ASAP2: variants seen among roughly 807,000 people sequenced by gnomAD.
The protein encoded by ASAP2 is ArfGAP with SH3 domain, ankyrin repeat and PH domain 2.
Under a neutral mutation model 131.4 loss-of-function variants are expected in ASAP2, and 45 were observed. The observed-to-expected ratio is 0.34, with a 90% CI of 0.27 to 0.44. The LOEUF (loss-of-function observed/expected upper bound fraction) is 0.44. ASAP2 is among the 20% of genes least tolerant of loss of function. ASAP2 has a pLI of 1.00. For synonymous variants in ASAP2, 510 were observed against 503.0 expected, an observed-to-expected ratio of 1.01 and a Z score of -0.19; for missense variants, 1,011 against 1,297.0, an observed-to-expected ratio of 0.78 and a Z score of 3.39.
intron 6 of ASAP2, among the ~76,000 whole-genome samples, chr2:9,325,887 T>C (rs1314813545): frequency 6.6e-6 from 1 of 152,202 alleles, no homozygotes; most frequent in Non-Finnish European, 1.5e-5. Flanking sequence ...CTGTACTATA[T>C]GCATGCATAA....
At chr2:9,360,596 T>A (rs1408856799) in intron 15 of ASAP2, among the ~76,000 whole-genome samples, 1 of 152,206 alleles carries the variant, frequency 6.6e-6, no homozygotes, top group Admixed American at 6.5e-5. Context: ...CCTGTTCTCA[T>A]GGTGTAAATA....
chr2:9,332,727 C>T (rs574271589), intron 7 of ASAP2, among the ~76,000 whole-genome samples: 1 of 152,246 alleles, frequency 6.6e-6, no homozygotes, highest in East Asian at 1.9e-4. Flanking sequence ...TTTCCTACTC[C>T]TTATCTTAGA....
At chr2:9,323,792 A>G (rs1670311097) in intron 6 of ASAP2, among the ~76,000 whole-genome samples, 1 of 152,210 alleles carries the variant, frequency 6.6e-6, no homozygotes. Context: ...GCTCCACTCC[A>G]TTCCACCCGC....
intron 3 of ASAP2, among the ~76,000 whole-genome samples, chr2:9,312,119 C>T (rs1302816534): frequency 6.6e-6 from 1 of 152,206 alleles, no homozygotes; most frequent in African/African-American, 2.4e-5. Context: ...ACCATCACCT[C>T]AAATCCGTTT....
At chr2:9,390,959 A>G (rs1675669215) in intron 22 of ASAP2, 103 bp from the exon 23 acceptor site, 1 of 1,571,342 alleles carries the variant, frequency 6.4e-7, no homozygotes, top group South Asian at 1.1e-5. Context: ...TGACCGTTTC[A>G]TAAGGGGGAG....
chr2:9,352,212 AACACACACACAC>A (rs58275721), intron 12 of ASAP2, among the ~76,000 whole-genome samples: 90,082 of 149,950 alleles, frequency 0.6, 27,846 homozygotes, highest in East Asian at 0.83. Context: ...AACACACACA[AACACACACACAC>A]ACACACACAC....
chr2:9,398,683 C>T (rs1676382024), intron 24 of ASAP2, among the ~76,000 whole-genome samples: 1 of 152,072 alleles, frequency 6.6e-6, no homozygotes, highest in Non-Finnish European at 1.5e-5. Flanking sequence ...GTGGTGCACA[C>T]CTGTAATTCC....
chr2:9,387,585 G>C (rs1189825597), intron 21 of ASAP2, among the ~76,000 whole-genome samples: 1 of 152,182 alleles, frequency 6.6e-6, no homozygotes, highest in Non-Finnish European at 1.5e-5. Context: ...GCCACCCTGT[G>C]GGGTAGCATA....
At chr2:9,269,423 TCTC>T (rs1666182724) in intron 1 of ASAP2, among the ~76,000 whole-genome samples, 1 of 152,148 alleles carries the variant, frequency 6.6e-6, no homozygotes, top group African/African-American at 2.4e-5. Flanking sequence ...AGCCAGGTCA[TCTC>T]CTCAGATAGT....
intron 1 of ASAP2, among the ~76,000 whole-genome samples, chr2:9,209,585 TTGTTA>T (rs1661384593): frequency 6.6e-6 from 1 of 152,250 alleles, no homozygotes; most frequent in African/African-American, 2.4e-5. Context: ...ATTTATTTAT[TTGTTA>T]CGGAGTTTTG....
At chr2:9,391,565 CTTTTCT>C (rs1436350604) in intron 23 of ASAP2, among the ~76,000 whole-genome samples, 5 of 149,142 alleles carry the variant, frequency 3.4e-5, no homozygotes, top group South Asian at 2.1e-4. Context: ...TTTTGTTTTT[CTTTTCT>C]TTTTCTTTTT....
chr2:9,214,902 G>T (rs991157164), intron 1 of ASAP2, among the ~76,000 whole-genome samples: 4 of 151,944 alleles, frequency 2.6e-5, no homozygotes, highest in African/African-American at 9.7e-5. Context: ...GGCTCCCTTT[G>T]ACACTCTGGC....
chr2:9,279,504 G>A (rs193098732), intron 2 of ASAP2, 115 bp downstream of exon 2: 5 of 934,310 alleles, frequency 5.4e-6, no homozygotes, highest in East Asian at 5.0e-5. Flanking sequence ...CTTTATCGGG[G>A]CATGCAGATC....
intron 2 of ASAP2, among the ~76,000 whole-genome samples, chr2:9,295,258 C>T (rs1188511864): frequency 1.3e-5 from 2 of 152,190 alleles, no homozygotes; most frequent in African/African-American, 4.8e-5. Context: ...GTTTGAATCC[C>T]AGCTCTGCCA....
chr2:9,334,801 G>A lies in ASAP2; in HGVS notation c.750G>A (p.Thr250=), dbSNP rs1201346892. The A allele has an allele frequency of 1.2e-6, 2 of 1,613,838 alleles. No individual in the cohort carries two copies. The highest frequency in any genetic ancestry group is 1.7e-6 in the Non-Finnish European group (2 of 1,179,822). The change falls in exon 8 of 28, where the codon ACG becomes ACA. Residue 250 remains threonine, a synonymous_variant. Coordinates refer to ENST00000281419, the MANE Select transcript of ASAP2 (RefSeq NM_003887.3). ...SLKPSIETLS[T]DLHTIKQAQD... is the part of the protein sequence containing the mutation. ...AACCTTCCATTGAAACGCTGTCTAC[G>A]GATCTTCACACGGTGAGTAGCTTCC...
rs532629753 is a variant in ASAP2, at chr2:9,258,104, C to T, written c.127-21213C>T. The stretch of plus-strand genomic sequence containing the variant: ...TACCCTGACTTTGGGGTAGGATATA[C>T]GGACATACACATTTCATTTCTTTCC... On this transcript the variant is annotated intron_variant, in intron 1 of 27. Transcript: ENST00000281419. Among the ~76,000 whole-genome samples the T allele has an allele frequency of 1.4e-4, 21 of 152,194 alleles. No individual in the cohort carries two copies. In the East Asian group the frequency reaches 1.7e-3, roughly 13 times the overall value.
intron 20 of ASAP2, 36 bp from the exon 21 acceptor site, chr2:9,385,209 T>C: frequency 1.3e-6 from 2 of 1,526,386 alleles, no homozygotes; most frequent in Non-Finnish European, 1.8e-6. Flanking sequence ...GCCGAGTGTA[T>C]GAGCAACAGC....
chr2:9,399,759 G>T, intron 24 of ASAP2: 1 of 530,360 alleles, frequency 1.9e-6, no homozygotes, highest in East Asian at 3.3e-5. Flanking sequence ...CATCACTCCA[G>T]ACCCTGGCCA....
At chr2:9,349,203 T>C (rs1186212401) in intron 11 of ASAP2, among the ~76,000 whole-genome samples, 1 of 152,234 alleles carries the variant, frequency 6.6e-6, no homozygotes, top group Non-Finnish European at 1.5e-5. Context: ...GTCATTATTT[T>C]GTCCATGAAG....
Sources: allele counts gnomAD v4.1 joint callset (sites outside exome capture counted in the v4.1 genomes callset), GRCh38; gene constraint gnomAD v4.1.1; transcripts MANE v1.5; gene names NCBI Gene and HGNC (gene_info 2026-07-23, HGNC 2026-07-21).